Variants in CFAP74 observed in about 807,000 individuals in gnomAD.
CFAP74 encodes cilia and flagella associated protein 74.
CFAP74 carries 124 observed loss-of-function variants against 188.9 expected under a neutral mutation model. The ratio of observed to expected loss-of-function variants is 0.66; its 90% CI spans 0.57 to 0.76. CFAP74 has a LOEUF of 0.76. CFAP74 is among the 30% of genes least tolerant of loss of function. The probability of loss-of-function intolerance (pLI) is 0.00; values close to 1 mark genes in which losing one functional copy is unlikely to be tolerated. For missense variants in CFAP74, 2,198 were observed against 2,165.2 expected (o/e 1.02, Z -0.30); for synonymous variants, 956 against 916.7 (o/e 1.04, Z -0.77).
Position 1,968,025 on chromosome 1 carries a change from T to C in CFAP74, c.1245+610A>G, listed in dbSNP as rs1438869410. Among the ~76,000 whole-genome samples the C allele has an allele frequency of 1.3e-5, 2 of 150,666 alleles. No individual in the cohort carries two copies. The highest frequency in any genetic ancestry group is 2.1e-4 in the South Asian group (1 of 4,780). ...GTGAGCGAATGAGTGAATGAATGAG[T>C]GAATGAGTGAATGAATAAGTGTATC... is the stretch of plus-strand genomic sequence containing the variant. On this transcript the variant is annotated intron_variant, in intron 11 of 38. Transcript: ENST00000682832. The surrounding 1 kb of genome is among the most constrained non-coding windows in gnomAD (Gnocchi z 4.3).
chr1:1,946,086 C>T (rs962535803), intron 20 of CFAP74, among the ~76,000 whole-genome samples: 3 of 152,090 alleles, frequency 2.0e-5, no homozygotes, highest in Non-Finnish European at 4.4e-5. Context: ...CATGTTTTTG[C>T]ATGGGCATGC....
chr1:1,935,699 G>A (rs966737339), intron 25 of CFAP74, among the ~76,000 whole-genome samples: 2 of 152,044 alleles, frequency 1.3e-5, no homozygotes, highest in African/African-American at 4.8e-5. Flanking sequence ...GTTTGTTTCT[G>A]TAACAACAAA....
At position 1,968,126 on chromosome 1, in the gene CFAP74, G is replaced by A. The variant is rs866583148; in HGVS notation, c.1245+509C>T. ...GAATGAGTGAATGAATGAAGAATGA[G>A]TGAGTGAATGAATGAAGAAAGAATG... On this transcript the variant is annotated intron_variant, in intron 11 of 38. Coordinates refer to ENST00000682832, the MANE Select transcript of CFAP74 (RefSeq NM_001304360.2). This position sits in a 1 kb window ranked among gnomAD's most constrained non-coding sequence, Gnocchi z 4.3. 7.0e-6 allele frequency among the ~76,000 whole-genome samples: 1 copy of A among 143,448 alleles called. No homozygotes were observed. The highest frequency in any genetic ancestry group is 2.2e-4 in the South Asian group (1 of 4,648). The allele number at this position is 143,448 out of a possible 152,430, so 94.1% of individuals were successfully genotyped here.
Position 1,963,833 on chromosome 1 carries a change from A to G in CFAP74, c.1610T>C (p.Ile537Thr). The change falls in exon 14 of 39, where the codon ATC becomes ACC. Residue 537 changes from isoleucine to threonine, a missense_variant. Ile to Thr is a moderately conservative substitution (Grantham distance 89). Coordinates refer to ENST00000682832, the MANE Select transcript of CFAP74 (RefSeq NM_001304360.2). ...CGTGTAGGTGGTGTTTACCAACGTG[A>G]TCTTTTTCTTGTACACTTTGCCAAT... ...FDIGKVYKKK[I>T]TLVNTTYTIN... The G allele has an allele frequency of 1.2e-6, 2 of 1,613,810 alleles. No homozygotes were observed. The highest frequency in any genetic ancestry group is 1.7e-6 in the Non-Finnish European group (2 of 1,179,918).
At chr1:1,936,622 A>T (rs915639564) in intron 25 of CFAP74, among the ~76,000 whole-genome samples, 1 of 149,006 alleles carries the variant, frequency 6.7e-6, no homozygotes, top group Non-Finnish European at 1.5e-5. Flanking sequence ...TGAGGAGGAG[A>T]GCCGCGCACA....
chr1:1,977,291 G>A (rs893121901), intron 6 of CFAP74, among the ~76,000 whole-genome samples: 3 of 152,212 alleles, frequency 2.0e-5, no homozygotes, highest in Admixed American at 6.5e-5. Context: ...GAAAGATTGG[G>A]ATTTTGAGAA....
At chr1:1,996,642 C>T (rs1004040847) in intron 1 of CFAP74, among the ~76,000 whole-genome samples, 3 of 152,006 alleles carry the variant, frequency 2.0e-5, no homozygotes, top group African/African-American at 7.2e-5. Flanking sequence ...AAATACTGGC[C>T]GGGTGCGGGC....
Position 1,965,144 on chromosome 1 carries a change from G to A in CFAP74, c.1402-83C>T, listed in dbSNP as rs544489335. ...GTGGCAGCTCGGAGGCGAGGGTAGC[G>A]GTTAGCAGAGCACGGACAGCCCAGC... On this transcript the variant is annotated intron_variant, in intron 12 of 38. Transcript: ENST00000682832. 123 of 1,365,166 alleles carry A rather than the reference G, an allele frequency of 9.0e-5. No homozygotes were observed. In the African/African-American group the frequency reaches 1.3e-3, roughly 14 times the overall value. 84.6% of individuals were successfully genotyped at this position (1,365,166 alleles called of 1,614,324 possible).
chr1:1,928,666 G>A, intron 27 of CFAP74, 118 bp downstream of exon 27: 4 of 694,506 alleles, frequency 5.8e-6, no homozygotes, highest in Non-Finnish European at 9.8e-6. Flanking sequence ...GCTTGGGAAA[G>A]GTCTACCCTG....
chr1:1,976,917 C>T (rs941936965), intron 6 of CFAP74, among the ~76,000 whole-genome samples: 4 of 151,978 alleles, frequency 2.6e-5, no homozygotes, highest in Admixed American at 6.6e-5. Context: ...GCGGTCTCAG[C>T]TCACTGCAAG....
At chr1:1,997,448 G>C (rs965625001) in intron 1 of CFAP74, among the ~76,000 whole-genome samples, 1 of 151,294 alleles carries the variant, frequency 6.6e-6, no homozygotes, top group Non-Finnish European at 1.5e-5. Context: ...GAAATAAAAG[G>C]CATAAGGAAT....
Position 1,926,304 on chromosome 1 carries a change from A to G in CFAP74, c.3872T>C (p.Leu1291Pro), listed in dbSNP as rs1256088034. Reference protein sequence around the residue: ...LLNPNGPFVLLNHSSLLRAGG... With the variant: ...LLNPNGPFVLPNHSSLLRAGG... ...TGCACGCAGCAGGCTGGAGTGGTTC[A>G]GCAGGACAAAGGGGCCGTTGGGGTT... Residue 1291 changes from leucine to proline, a missense_variant, in exon 32 of 39, where the codon CTG becomes CCG. Leu to Pro is a moderately conservative substitution (Grantham distance 98). Coordinates refer to ENST00000682832, the MANE Select transcript of CFAP74 (RefSeq NM_001304360.2). 1 of 1,547,240 alleles carries G rather than the reference A, an allele frequency of 6.5e-7. No individual in the cohort carries two copies. The highest frequency in any genetic ancestry group is 1.4e-5 in the African/African-American group (1 of 73,002).
Position 1,974,045 on chromosome 1 carries a change from C to T in CFAP74, c.654G>A (p.Arg218=), listed in dbSNP as rs777583196. 1.3e-6 allele frequency: 2 copies of T among 1,590,252 alleles called. No homozygotes were observed. The highest frequency in any genetic ancestry group is 1.1e-5 in the South Asian group (1 of 89,284). The change falls in exon 7 of 39, where the codon CGG becomes CGA. Residue 218 remains arginine (R), a synonymous_variant. Coordinates refer to ENST00000682832, the MANE Select transcript of CFAP74 (RefSeq NM_001304360.2). ...CCTACCTGATCCTCAGCAGTCGGTT[C>T]CGCTCCACCTTCCCCAGGGCCTCCT... is the stretch of plus-strand genomic sequence containing the variant. The part of the protein sequence containing the change: ...REQEALGKVE[R]NRLLRIRKSL...
chr1:1,928,821 G>T lies in CFAP74; in HGVS notation c.3350C>A (p.Ala1117Asp), dbSNP rs1033610236. The T allele has an allele frequency of 6.5e-7, 1 of 1,535,684 alleles. No individual in the cohort carries two copies. The highest frequency in any genetic ancestry group is 1.4e-5 in the African/African-American group (1 of 73,160). ...VLPEKLIRQE[A>D]LPLLNKEMET... is the part of the protein sequence containing the mutation. ...CATTTCTTTGTTCAGGAGTGGGAGG[G>T]CTTCCTGGCGGATCAGCTTCTCGGG... Residue 1117 changes from alanine (A) to aspartate (D), a missense_variant, in exon 27 of 39, where the codon GCC (alanine) becomes GAC (aspartate). Physicochemically the swap from Ala to Asp is moderately radical, Grantham distance 126. Transcript: ENST00000682832.
At chr1:1,991,773 C>T (rs368241616) in intron 1 of CFAP74, among the ~76,000 whole-genome samples, 13 of 152,288 alleles carry the variant, frequency 8.5e-5, no homozygotes, top group South Asian at 2.1e-4. Context: ...GGCGTGGTGG[C>T]TCACACCTGT....
chr1:1,956,746 G>A lies in CFAP74; in HGVS notation c.1890C>T (p.Tyr630=), dbSNP rs183395987. ...TCCGAGACGTGGTCTCTCCTACCAC[G>A]TAGCTGCCGAAGTCAATGAGCTCCT... ...LDKELIDFGS[Y]VVGETTSRTI... is the part of the protein sequence containing the mutation. Residue 630 remains tyrosine (Y), a synonymous_variant, in exon 17 of 39, where the codon TAC becomes TAT. Coordinates refer to ENST00000682832, the MANE Select transcript of CFAP74 (RefSeq NM_001304360.2). 34 of 1,613,684 alleles carry A rather than the reference G, an allele frequency of 2.1e-5. No homozygotes were observed. In the Admixed American group the frequency reaches 2.3e-4, roughly 11 times the overall value.
At chr1:1,951,936 C>T (rs1040307781) in intron 18 of CFAP74, among the ~76,000 whole-genome samples, 10 of 152,194 alleles carry the variant, frequency 6.6e-5, no homozygotes, top group African/African-American at 2.4e-4. Context: ...GCTGAAAGAG[C>T]ATCGGTGAGC....
At chr1:1,998,515 A>G (rs1658031770) in intron 1 of CFAP74, among the ~76,000 whole-genome samples, 2 of 152,154 alleles carry the variant, frequency 1.3e-5, no homozygotes, top group South Asian at 4.1e-4. Flanking sequence ...GGGGCTTCGT[A>G]TTATCATTCT....
rs536230008 is a variant in CFAP74, at chr1:1,935,141, G to A, written c.3011+3714C>T. On this transcript the variant is annotated intron_variant, in intron 25 of 38. Coordinates refer to ENST00000682832, the MANE Select transcript of CFAP74 (RefSeq NM_001304360.2). ...AGGTTGTAGGTACACACGTGTGTAC[G>A]TGGGTGTTAGGTTGTAGGTACACAC... 2.8e-4 allele frequency among the ~76,000 whole-genome samples: 25 copies of A among 88,082 alleles called. 5 individuals carry two copies. In the South Asian group the frequency reaches 3.6e-3, roughly 13 times the overall value. 57.8% of individuals were successfully genotyped at this position (88,082 alleles called of 152,430 possible).
Sources: gnomAD v4.1 joint callset for allele counts (sites outside exome capture counted in the v4.1 genomes callset) on GRCh38, gnomAD v4.1.1 for gene constraint, Gnocchi (gnomAD v3.1) non-coding constraint, MANE v1.5 for transcripts, NCBI Gene and HGNC (gene_info 2026-07-23, HGNC 2026-07-21) for gene names.